The following CIZ1 variants were observed in gnomAD, a reference collection of about 807,000 sequenced individuals.
CIZ1 encodes the protein CDKN1A interacting zinc finger protein 1.
In CIZ1, 58 loss-of-function variants were observed where a neutral mutation model predicts 118.6. The ratio of observed to expected loss-of-function variants is 0.49; its 90% CI spans 0.40 to 0.61. CIZ1 has a LOEUF of 0.61. CIZ1 is among the 20% of genes least tolerant of loss of function. The pLI is 0.00. For missense variants in CIZ1, 921 were observed against 1,115.9 expected (o/e 0.83, Z 2.49); for synonymous variants, 448 against 443.4 (o/e 1.01, Z -0.13).
At chr9:128,169,605 T>G in intron 12 of CIZ1, 86 bp from the exon 13 acceptor site, 1 of 1,572,238 alleles carries the variant, frequency 6.4e-7, no homozygotes, top group Non-Finnish European at 8.6e-7. Flanking sequence ...AGAGCTCACC[T>G]CCCCCGGGCA....
upstream of CIZ1, among the ~76,000 whole-genome samples, chr9:128,193,356 A>G (rs909532648): frequency 4.6e-5 from 7 of 152,076 alleles, no homozygotes; most frequent in Non-Finnish European, 8.8e-5. Context: ...TGCCAATTAG[A>G]AAACCCGCTC....
At chr9:128,169,356 A>G (rs1829844577) in intron 13 of CIZ1, 50 bp downstream of exon 13, 1 of 1,477,484 alleles carries the variant, frequency 6.8e-7, no homozygotes, top group Non-Finnish European at 9.3e-7. Flanking sequence ...AGCCTTGGCC[A>G]AGGCTCTGTA....
intron 11 of CIZ1, among the ~76,000 whole-genome samples, chr9:128,174,859 T>A (rs1049573400): frequency 6.6e-6 from 1 of 152,208 alleles, no homozygotes; most frequent in East Asian, 1.9e-4. Flanking sequence ...GGTTTCACCA[T>A]GTTGGCCAGG....
At chr9:128,202,828 A>G (rs1833572919) in intron 1 of CIZ1, 1 of 152,112 alleles carries the variant, frequency 6.6e-6, no homozygotes, top group African/African-American at 2.4e-5. Context: ...TGGCTGTCTT[A>G]TTCGTTGCTG....
At chr9:128,183,121 A>G (rs1174120690) in intron 5 of CIZ1, among the ~76,000 whole-genome samples, 1 of 152,152 alleles carries the variant, frequency 6.6e-6, no homozygotes, top group Non-Finnish European at 1.5e-5. Context: ...CCAGGAGGCC[A>G]CCAGAAGCCT....
chr9:128,170,857 G>A (rs1345455370), intron 11 of CIZ1, among the ~76,000 whole-genome samples: 2 of 152,110 alleles, frequency 1.3e-5, no homozygotes, highest in Non-Finnish European at 2.9e-5. Context: ...AAGGGAGGCC[G>A]GGCATAGTGG....
intron 14 of CIZ1, chr9:128,167,480 C>T: frequency 3.2e-6 from 1 of 314,114 alleles, no homozygotes; most frequent in Non-Finnish European, 5.9e-6. Context: ...TCATAACAGC[C>T]CTCTATGGCT....
At chr9:128,200,512 G>T (rs1020859995) in intron 1 of CIZ1, among the ~76,000 whole-genome samples, 4 of 151,852 alleles carry the variant, frequency 2.6e-5, no homozygotes, top group Non-Finnish European at 5.9e-5. Flanking sequence ...ACAAAAATTA[G>T]CTGGGCACAG....
Position 128,180,748 on chromosome 9 carries a change from C to T in CIZ1, c.655G>A (p.Ala219Thr), listed in dbSNP as rs45588035. 19,249 of 1,608,550 alleles carry T rather than the reference C, an allele frequency of 0.012. 1,457 individuals are homozygous for T. In the African/African-American group the frequency reaches 0.19, roughly 16 times the overall value. The part of the protein sequence containing the change: ...SDPPEGSEEA[A>T]EPRMDTPEDQ... Reference sequence around the variant, plus strand: ...TCTGGTGTGTCCATCCGGGGCTCTGCGGCTTCCTCAGACCCCTCTGGGGGG... The same window carrying T: ...TCTGGTGTGTCCATCCGGGGCTCTGTGGCTTCCTCAGACCCCTCTGGGGGG... The change falls in exon 6 of 17, where the codon GCA becomes ACA. Residue 219 changes from alanine (A) to threonine (T), a missense_variant. Physicochemically the swap from Ala to Thr is moderately conservative, Grantham distance 58. Transcript: ENST00000372938.
chr9:128,168,984 T>G lies in CIZ1; in HGVS notation c.2295+68A>C, dbSNP rs919579716. 14 of 1,598,620 alleles carry G rather than the reference T, an allele frequency of 8.8e-6. No individual in the cohort carries two copies. In the Admixed American group the frequency reaches 2.2e-4, roughly 25 times the overall value. On this transcript the variant is annotated intron_variant, in intron 14 of 16. Coordinates refer to ENST00000372938, the MANE Select transcript of CIZ1 (RefSeq NM_001131016.2). ...AGCCCAGTGTCTGGCCTCCGGGAGG[T>G]GGGATGAGGTCTGTCCTGGGCTGGG...
chr9:128,176,253 G>A, intron 11 of CIZ1, 98 bp downstream of exon 11: 6 of 1,498,084 alleles, frequency 4.0e-6, no homozygotes, highest in Non-Finnish European at 5.4e-6. Context: ...GGGGTGCAGT[G>A]CTTAACCCAA....
At chr9:128,195,458 C>T (rs1263377306), upstream of CIZ1, among the ~76,000 whole-genome samples, 206 of 152,144 alleles carry the variant, frequency 1.4e-3, 4 homozygotes, top group Admixed American at 0.013. Flanking sequence ...GCTGAGACTA[C>T]AAGCATGCGC....
intron 1 of CIZ1, among the ~76,000 whole-genome samples, chr9:128,198,590 T>C (rs1833433136): frequency 6.6e-6 from 1 of 152,068 alleles, no homozygotes. Context: ...TCCCAGCACT[T>C]TGGGAGGCCG....
chr9:128,193,061 C>T (rs569463312), upstream of CIZ1, among the ~76,000 whole-genome samples: 31 of 152,322 alleles, frequency 2.0e-4, no homozygotes, highest in South Asian at 8.3e-4. Flanking sequence ...TGACGAGCGC[C>T]GCTCCAAAGC....
In CIZ1 at chr9:128,190,807, G is replaced by A. The variant is rs1272657174; in HGVS notation, c.51C>T (p.Leu17=). Residue 17 remains leucine (L), a synonymous_variant, in exon 2 of 17, where the codon CTC becomes CTT. Transcript: ENST00000372938. ...QQQLQQQQQQ[L]QQLQQQQLQQ... The stretch of plus-strand genomic sequence containing the variant: ...GGAGCTGCTGCTGCTGTAACTGCTG[G>A]AGCTGCTGCTGCTGTTGCTGGAGCT... The A allele has an allele frequency of 1.3e-6, 2 of 1,539,684 alleles. No individual in the cohort carries two copies. Among genetic ancestry groups the A allele is most frequent in the Non-Finnish European group, 1.8e-6 (2 of 1,142,788 alleles).
intron 11 of CIZ1, among the ~76,000 whole-genome samples, chr9:128,174,016 C>CA (rs372807194): frequency 1.4e-5 from 1 of 73,248 alleles, no homozygotes; most frequent in African/African-American, 3.8e-5. Flanking sequence ...AAAAACAAAA[C>CA]AAAAAAACAA....
At chr9:128,197,217 T>C (rs1304692539) in intron 1 of CIZ1, 1 of 152,228 alleles carries the variant, frequency 6.6e-6, no homozygotes, top group East Asian at 1.9e-4. Context: ...GAATGATGAA[T>C]GAATGAATGG....
chr9:128,176,251 G>A (rs2130941879), intron 11 of CIZ1, 100 bp downstream of exon 11: 3 of 1,484,430 alleles, frequency 2.0e-6, no homozygotes, highest in Non-Finnish European at 1.8e-6. Context: ...TGGGGGTGCA[G>A]TGCTTAACCC....
In CIZ1 at chr9:128,170,138, G is replaced by T; in HGVS notation, c.1944-31C>A. ...TGACAACAGTCAAAGCAAGTACAAT[G>T]TGACGCCAGAAAGACAGCAGCTGTC... On this transcript the variant is annotated intron_variant, in intron 11 of 16. Coordinates refer to ENST00000372938, the MANE Select transcript of CIZ1 (RefSeq NM_001131016.2). 4.4e-6 allele frequency: 7 copies of T among 1,587,974 alleles called. No homozygotes were observed. The South Asian group carries it at 7.7e-5, about 18-fold the overall frequency.
Sources: allele counts gnomAD v4.1 joint callset (sites outside exome capture counted in the v4.1 genomes callset), GRCh38; gene constraint gnomAD v4.1.1; transcripts MANE v1.5; gene names NCBI Gene and HGNC (gene_info 2026-07-23, HGNC 2026-07-21).